HLTF: variants seen among roughly 807,000 people sequenced by gnomAD.
HLTF encodes DNA-dependent ATPase/E3 ubiquitin-protein ligase HLTF.
A neutral mutation model predicts 129.4 loss-of-function variants in HLTF; 127 were observed. That is an observed-to-expected ratio of 0.98 (90% CI 0.85 to 1.14). HLTF has a LOEUF of 1.14. Among genes scored for constraint, HLTF ranks in the 50% most tolerant of loss-of-function variants. HLTF has a pLI of 0.00. For missense variants in HLTF, 1,139 were observed against 1,187.1 expected, an observed-to-expected ratio of 0.96 and a Z score of 0.60; for synonymous variants, 332 against 388.8, an observed-to-expected ratio of 0.85 and a Z score of 1.72.
Position 149,050,339 on chromosome 3 carries a change from A to T in HLTF, c.1510T>A (p.Leu504Met), listed in dbSNP as rs760546650. ...GGACCATAATAAACATAAAAATTCA[A>T]GTGTACATCTGATTTTATATGTTGT... Reference protein sequence around the residue: ...FGQHIKSDVHLNFYVYYGPDR... With the variant: ...FGQHIKSDVHMNFYVYYGPDR... Residue 504 changes from leucine (L) to methionine (M), a missense_variant, in exon 15 of 25, where the codon TTG becomes ATG. Coordinates refer to ENST00000310053, the MANE Select transcript of HLTF (RefSeq NM_003071.4). 1 of 1,593,968 alleles carries T rather than the reference A, an allele frequency of 6.3e-7. No individual in the cohort carries two copies. The highest frequency in any genetic ancestry group is 1.1e-5 in the South Asian group (1 of 88,236).
At chr3:149,074,413 T>C in intron 3 of HLTF, 65 bp from the exon 4 acceptor site, 3 of 1,428,776 alleles carry the variant, frequency 2.1e-6, no homozygotes, top group Non-Finnish European at 2.8e-6. Context: ...CACTAAGAAT[T>C]AGTTCAATAT....
At chr3:149,063,254 G>T (rs1272907608) in intron 10 of HLTF, among the ~76,000 whole-genome samples, 177 bp downstream of exon 10, 1 of 152,166 alleles carries the variant, frequency 6.6e-6, no homozygotes, top group South Asian at 2.1e-4. Context: ...TAGAGACGGG[G>T]TTTCACTGTG....
chr3:149,048,587 A>C (rs1482277000), intron 16 of HLTF, among the ~76,000 whole-genome samples: 1 of 152,218 alleles, frequency 6.6e-6, no homozygotes, highest in African/African-American at 2.4e-5. Context: ...TGACTGGATG[A>C]CTAGAGTGTC....
At position 149,032,213 on chromosome 3, in the gene HLTF, C is replaced by T; in HGVS notation, c.*7G>A. ...CAATCAAACTGACCTTACTAAAATC[C>T]CACAAATTATAAGTCAATTAATGTT... On this transcript the variant is annotated 3_prime_UTR_variant, in exon 25 of 25. Coordinates refer to ENST00000310053, the MANE Select transcript of HLTF (RefSeq NM_003071.4). 1 of 1,552,158 alleles carries T rather than the reference C, an allele frequency of 6.4e-7. No individual in the cohort carries two copies. The highest frequency in any genetic ancestry group is 8.7e-7 in the Non-Finnish European group (1 of 1,154,934).
At chr3:149,056,949 A>T (rs1373686237) in intron 13 of HLTF, among the ~76,000 whole-genome samples, 3 of 151,328 alleles carry the variant, frequency 2.0e-5, no homozygotes, top group Admixed American at 1.3e-4. Flanking sequence ...CTCTACTAAA[A>T]ATACAAAAAA....
At chr3:149,075,779 A>G (rs1719293649) in intron 3 of HLTF, 102 bp downstream of exon 3, 5 of 646,370 alleles carry the variant, frequency 7.7e-6, no homozygotes, top group Non-Finnish European at 1.2e-5. Context: ...ACAGTGATAG[A>G]AATTGTTAGC....
rs186713897 is a variant in HLTF at position 149,046,285 on chromosome 3, T to C, written c.1893-26A>G. 13 of 1,255,544 alleles carry C rather than the reference T, an allele frequency of 1.0e-5. No homozygotes were observed. In the Admixed American group the frequency reaches 2.8e-4, roughly 27 times the overall value. 77.8% of individuals were successfully genotyped at this position (1,255,544 alleles called of 1,614,324 possible). A position where few individuals can be genotyped will look rare whatever the true frequency, so the allele number is the denominator to read the frequency against. ...CTAATCAGAATAAAACAAATAATTA[T>C]GTAACTTTTAATTTCTACATAAATT... On this transcript the variant is annotated intron_variant, in intron 17 of 24. Transcript: ENST00000310053.
chr3:149,054,999 A>G (rs529855153), intron 14 of HLTF, among the ~76,000 whole-genome samples: 1 of 152,352 alleles, frequency 6.6e-6, no homozygotes, highest in East Asian at 1.9e-4. Context: ...CTGTAAATGT[A>G]GAGGAGTCAA....
intron 24 of HLTF, among the ~76,000 whole-genome samples, chr3:149,033,761 C>A (rs959986673): frequency 6.6e-6 from 1 of 151,972 alleles, no homozygotes; most frequent in Non-Finnish European, 1.5e-5. Flanking sequence ...AAAATAAAAT[C>A]TTCCAAAAGA....
In HLTF at chr3:149,060,596, T is replaced by C. The variant is rs763607239; in HGVS notation, c.1285+47A>G. ...GAGATACAAATCAATGGAGCTGTACTTTAATAATCTTGAAGTCTAGATTAT... is the reference window on the plus strand; with the variant it reads ...GAGATACAAATCAATGGAGCTGTACCTTAATAATCTTGAAGTCTAGATTAT... On this transcript the variant is annotated intron_variant, in intron 12 of 24. Transcript: ENST00000310053. 3.5e-6 allele frequency: 5 copies of C among 1,421,110 alleles called. No homozygotes were observed. In the South Asian group the frequency reaches 3.6e-5, roughly 10 times the overall value. 88.0% of individuals were successfully genotyped at this position (1,421,110 alleles called of 1,614,324 possible).
At chr3:149,056,221 T>TCTGATTTTAAATG (rs1717419454) in intron 13 of HLTF, among the ~76,000 whole-genome samples, 1 of 152,216 alleles carries the variant, frequency 6.6e-6, no homozygotes, top group African/African-American at 2.4e-5. Flanking sequence ...ATAATAAATG[T>TCTGATTTTAAATG]CTGATTTTAA....
intron 2 of HLTF, among the ~76,000 whole-genome samples, chr3:149,080,401 C>G (rs1310204739): frequency 8.7e-6 from 1 of 115,502 alleles, no homozygotes; most frequent in African/African-American, 4.9e-5. Context: ...TGCTTCAAAC[C>G]TCTCCCAGCA....
intron 2 of HLTF, among the ~76,000 whole-genome samples, chr3:149,082,083 A>C (rs1443996808): frequency 6.6e-6 from 1 of 152,232 alleles, no homozygotes; most frequent in Non-Finnish European, 1.5e-5. Context: ...CTGAGTGAAA[A>C]ACGCCAGACT....
rs559387256 is a variant in HLTF, at chr3:149,075,486, G to C, written c.395+395C>G. On this transcript the variant is annotated intron_variant, in intron 3 of 24. Coordinates refer to ENST00000310053, the MANE Select transcript of HLTF (RefSeq NM_003071.4). ...TTGAACCCTGGAGGCGGAGGTTGCA[G>C]TCAGCCGAGATCACACAACTGCACT... Among the ~76,000 whole-genome samples, 9 of 152,100 alleles carry C rather than the reference G, an allele frequency of 5.9e-5. No homozygotes were observed. The East Asian group carries it at 1.7e-3, about 29-fold the overall frequency.
At chr3:149,040,544 TAAGCTTATA>T (rs1268926213) in intron 20 of HLTF, among the ~76,000 whole-genome samples, 1 of 152,112 alleles carries the variant, frequency 6.6e-6, no homozygotes, top group Non-Finnish European at 1.5e-5. Context: ...ATAAAGCTAT[TAAGCTTATA>T]AAGCTTATAA....
intron 7 of HLTF, among the ~76,000 whole-genome samples, chr3:149,070,882 T>TA (rs1718790193): frequency 6.6e-6 from 1 of 152,000 alleles, no homozygotes; most frequent in Non-Finnish European, 1.5e-5. Flanking sequence ...CTGTCTCTAC[T>TA]AAAAATACAA....
chr3:149,070,754 G>A (rs895398416), intron 7 of HLTF, among the ~76,000 whole-genome samples: 16 of 152,126 alleles, frequency 1.1e-4, no homozygotes, highest in Non-Finnish European at 2.4e-4. Flanking sequence ...AAAGAAAATT[G>A]AGAAACATGG....
intron 3 of HLTF, among the ~76,000 whole-genome samples, chr3:149,075,170 G>A (rs1269917108): frequency 2.6e-5 from 4 of 152,092 alleles, no homozygotes; most frequent in South Asian, 2.1e-4. Context: ...AGTACTGAAC[G>A]AAAAAATGTC....
At chr3:149,064,906 A>C (rs761544271) in intron 8 of HLTF, 40 bp from the exon 9 acceptor site, 102 of 1,153,192 alleles carry the variant, frequency 8.8e-5, no homozygotes, top group Middle Eastern at 7.8e-4. Context: ...TACTGCTATC[A>C]GTTTTAAATA....
Sources: gnomAD v4.1 joint callset for allele counts (sites outside exome capture counted in the v4.1 genomes callset) on GRCh38, gnomAD v4.1.1 for gene constraint, MANE v1.5 for transcripts, NCBI Gene and HGNC (gene_info 2026-07-23, HGNC 2026-07-21) for gene names.